NOL4: variants seen among roughly 807,000 people sequenced by gnomAD.
The protein encoded by NOL4 is nucleolar protein 4.
Under a neutral mutation model 75.9 loss-of-function variants are expected in NOL4, and 17 were observed. That is an observed-to-expected ratio of 0.22 (90% CI 0.15 to 0.34). The LOEUF is 0.34. Ranked by LOEUF, NOL4 falls within the 10% of genes least tolerant of loss-of-function variation. NOL4 has a pLI of 1.00. For missense variants in NOL4, 614 were observed against 793.5 expected (o/e 0.77, Z 2.72); for synonymous variants, 292 against 289.9 (o/e 1.01, Z -0.07).
At chr18:34,201,434 G>A (rs1332706999) in intron 1 of NOL4, among the ~76,000 whole-genome samples, 3 of 151,652 alleles carry the variant, frequency 2.0e-5, no homozygotes, top group African/African-American at 4.8e-5. Context: ...GTTCTTAACC[G>A]CTACTCTTAC....
chr18:34,170,051 T>A (rs1449408565), intron 1 of NOL4, among the ~76,000 whole-genome samples: 1 of 152,218 alleles, frequency 6.6e-6, no homozygotes, highest in African/African-American at 2.4e-5. Context: ...ATAAGCATAT[T>A]TTTAGTTAAA....
At chr18:33,873,640 C>T (rs926881714) in intron 10 of NOL4, among the ~76,000 whole-genome samples, 2 of 151,894 alleles carry the variant, frequency 1.3e-5, no homozygotes, top group African/African-American at 4.8e-5. Context: ...AGTCAAGATC[C>T]CTTAAGAGGC....
chr18:34,184,457 T>TAG (rs2034300764), intron 1 of NOL4, among the ~76,000 whole-genome samples: 1 of 152,034 alleles, frequency 6.6e-6, no homozygotes, highest in African/African-American at 2.4e-5. Flanking sequence ...TTGCCACTAC[T>TAG]TTGACATTCT....
intron 1 of NOL4, among the ~76,000 whole-genome samples, chr18:34,136,783 A>C (rs2080911210): frequency 1.3e-5 from 2 of 152,220 alleles, no homozygotes; most frequent in Admixed American, 6.5e-5. Context: ...CCAAAATTCC[A>C]AATAGCTTTT....
rs75550641 is a variant in NOL4 at position 33,900,077 on chromosome 18, A to G, written c.1543-16653T>C. 2.3e-3 allele frequency among the ~76,000 whole-genome samples: 344 copies of G among 152,226 alleles called. 1 individual carries two copies. Among genetic ancestry groups the G allele is most frequent in the African/African-American group, 6.6e-3 (275 of 41,548 alleles). ...TTGCACTGCTATAAAGAAATGCCTA[A>G]GTCTGGGTAATTTATAAAGAAAAGA... On this transcript the variant is annotated intron_variant, in intron 9 of 10. Transcript: ENST00000261592.
intron 1 of NOL4, among the ~76,000 whole-genome samples, chr18:34,195,856 A>T (rs2035289214): frequency 6.6e-6 from 1 of 152,144 alleles, no homozygotes; most frequent in Non-Finnish European, 1.5e-5. Context: ...TGACATTAGC[A>T]TTAATGTATA....
At chr18:34,003,313 C>T (rs2073843460) in intron 6 of NOL4, among the ~76,000 whole-genome samples, 2 of 152,040 alleles carry the variant, frequency 1.3e-5, no homozygotes, top group Admixed American at 1.3e-4. Flanking sequence ...ATAGATTGAG[C>T]TTTTATAGGG....
chr18:34,138,990 C>T (rs939908914), intron 1 of NOL4, among the ~76,000 whole-genome samples: 2 of 152,120 alleles, frequency 1.3e-5, no homozygotes, highest in African/African-American at 4.8e-5. Flanking sequence ...TATTGATTTG[C>T]ATATGTTGAA....
rs184887811 is a variant in NOL4, at chr18:34,171,506, T to C, written c.265-41486A>G. ...AATTTAAAGTAGCAATCGAAGATAT[T>C]GTAGAGTTTCCAGAATATTCACTTT... On this transcript the variant is annotated intron_variant, in intron 1 of 10. Coordinates refer to ENST00000261592, the MANE Select transcript of NOL4 (RefSeq NM_003787.5). Among the ~76,000 whole-genome samples, 334 of 152,240 alleles carry C rather than the reference T, an allele frequency of 2.2e-3. 5 individuals are homozygous for C. The highest frequency in any genetic ancestry group is 7.5e-3 in the African/African-American group (313 of 41,544).
At chr18:34,067,044 T>C (rs1436959484) in intron 5 of NOL4, among the ~76,000 whole-genome samples, 1 of 151,864 alleles carries the variant, frequency 6.6e-6, no homozygotes, top group Non-Finnish European at 1.5e-5. Flanking sequence ...TATATTCCAA[T>C]GGGTGAAAAA....
intron 6 of NOL4, among the ~76,000 whole-genome samples, chr18:33,970,890 G>T (rs900298972): frequency 6.6e-6 from 1 of 152,090 alleles, no homozygotes; most frequent in Admixed American, 6.6e-5. Flanking sequence ...TGTGAAAAGA[G>T]TGTTAGGTGT....
intron 6 of NOL4, among the ~76,000 whole-genome samples, chr18:33,997,839 C>T (rs554972486): frequency 6.0e-5 from 9 of 150,934 alleles, no homozygotes; most frequent in Non-Finnish European, 1.3e-4. Context: ...TTCATAATAG[C>T]CAAAAAGTAA....
chr18:34,099,482 C>T (rs908097805), intron 4 of NOL4, among the ~76,000 whole-genome samples: 2 of 151,812 alleles, frequency 1.3e-5, no homozygotes, highest in African/African-American at 4.8e-5. Flanking sequence ...TTCTGCCTTT[C>T]TTCAACCATT....
intron 1 of NOL4, among the ~76,000 whole-genome samples, chr18:34,164,887 T>C (rs2032102552): frequency 6.6e-6 from 1 of 151,842 alleles, no homozygotes; most frequent in African/African-American, 2.4e-5. Context: ...GTGGCACATA[T>C]ACACCATGGA....
At chr18:33,976,237 C>T (rs367914807) in intron 6 of NOL4, among the ~76,000 whole-genome samples, 54 of 152,062 alleles carry the variant, frequency 3.6e-4, no homozygotes, top group African/African-American at 1.3e-3. Context: ...GCCTGGTGTG[C>T]TATATGGTTA....
chr18:34,141,528 C>A (rs1286758525), intron 1 of NOL4, among the ~76,000 whole-genome samples: 1 of 152,094 alleles, frequency 6.6e-6, no homozygotes, highest in Non-Finnish European at 1.5e-5. Flanking sequence ...TAAATAATAC[C>A]ACACATCTAC....
intron 6 of NOL4, among the ~76,000 whole-genome samples, chr18:33,986,603 A>G (rs192701466): frequency 6.6e-6 from 1 of 152,246 alleles, no homozygotes; most frequent in Admixed American, 6.5e-5. Context: ...ACCCCAGATA[A>G]CTGAAACCAT....
chr18:34,150,719 T>A (rs919463387), intron 1 of NOL4, among the ~76,000 whole-genome samples: 1 of 151,724 alleles, frequency 6.6e-6, no homozygotes, highest in African/African-American at 2.4e-5. Flanking sequence ...AAAGTCATGA[T>A]CCATGAATGA....
At chr18:34,174,781 G>C (rs1260133555) in intron 1 of NOL4, among the ~76,000 whole-genome samples, 2 of 152,058 alleles carry the variant, frequency 1.3e-5, no homozygotes, top group African/African-American at 2.4e-5. Context: ...TGCGGTGTTT[G>C]ATTTTCTGTT....
Sources: gnomAD v4.1 joint callset for allele counts (sites outside exome capture counted in the v4.1 genomes callset) on GRCh38, gnomAD v4.1.1 for gene constraint, MANE v1.5 for transcripts, NCBI Gene and HGNC (gene_info 2026-07-23, HGNC 2026-07-21) for gene names.